Variants in PPP1R42 observed in about 807,000 individuals in gnomAD.
PPP1R42 encodes leucine rich repeat containing 67.
PPP1R42 carries 34 observed loss-of-function variants against 31.0 expected under a neutral mutation model. The observed-to-expected ratio is 1.10, with a 90% confidence interval of 0.83 to 1.46. The LOEUF is 1.46. Among genes scored for constraint, PPP1R42 ranks in the 40% most tolerant of loss-of-function variants. PPP1R42 has a pLI of 0.00. For missense variants in PPP1R42, 268 were observed against 303.0 expected (o/e 0.88, Z 0.86); for synonymous variants, 103 against 109.8 (o/e 0.94, Z 0.39).
chr8:66,988,650 G>A, intron 5 of PPP1R42, 133 bp from the exon 6 acceptor site: 1 of 691,502 alleles, frequency 1.4e-6, no homozygotes, highest in Non-Finnish European at 2.2e-6. Flanking sequence ...CTTAGAAGGT[G>A]CATAATAACT....
chr8:66,985,790 CCAT>C, intron 6 of PPP1R42: 1 of 1,223,162 alleles, frequency 8.2e-7, no homozygotes, highest in Non-Finnish European at 1.2e-6. Flanking sequence ...TTTGCTGCGT[CCAT>C]CATCTGTTTG....
chr8:66,985,733 G>C (rs1814988803), intron 6 of PPP1R42: 1 of 1,289,258 alleles, frequency 7.8e-7, no homozygotes, highest in Non-Finnish European at 1.1e-6. Context: ...TGAGGTGTAG[G>C]GGGGCTAATG....
intron 7 of PPP1R42, among the ~76,000 whole-genome samples, chr8:66,980,091 G>A (rs1814784157): frequency 6.6e-6 from 1 of 152,130 alleles, no homozygotes; most frequent in Admixed American, 6.5e-5. Flanking sequence ...GGAATGAACA[G>A]AGGAAAAATA....
intron 5 of PPP1R42, among the ~76,000 whole-genome samples, chr8:66,997,715 TAA>T (rs1379114144): frequency 8.4e-5 from 12 of 143,444 alleles, no homozygotes; most frequent in African/African-American, 2.6e-4. Context: ...TAATTTTTTT[TAA>T]AAAAAAAAAC....
In PPP1R42 at chr8:67,010,778, G is replaced by T; in HGVS notation, c.489C>A (p.Asp163Glu). The change falls in exon 5 of 8, where the codon GAC becomes GAA. Residue 163 changes from aspartate to glutamate, a missense_variant. By Grantham distance (45) the Asp-to-Glu change is conservative. Transcript: ENST00000685739. ...GATTAAGATTCTCTAGTAGTTCTAA[G>T]TCTGTAATGTCATCAATATTATTAT... ...ISNNNIDDIT[D>E]LELLENLNQL... 1 of 1,606,324 alleles carries T rather than the reference G, an allele frequency of 6.2e-7. No individual in the cohort carries two copies. The highest frequency in any genetic ancestry group is 8.5e-7 in the Non-Finnish European group (1 of 1,177,178).
intron 6 of PPP1R42, chr8:66,986,149 G>C (rs1563418397): frequency 1.5e-6 from 1 of 645,488 alleles, no homozygotes; most frequent in Non-Finnish European, 2.9e-6. Flanking sequence ...TGTAGGCTCT[G>C]AGAAACCCAG....
Position 67,014,568 on chromosome 8 carries a change from G to A in PPP1R42, c.154C>T (p.Leu52Phe), listed in dbSNP as rs759250385. 1 of 1,530,306 alleles carries A rather than the reference G, an allele frequency of 6.5e-7. No individual in the cohort carries two copies. Among genetic ancestry groups the A allele is most frequent in the Non-Finnish European group, 8.9e-7 (1 of 1,128,526 alleles). 94.8% of individuals were successfully genotyped at this position (1,530,306 alleles called of 1,614,324 possible). A position where few individuals can be genotyped will look rare whatever the true frequency, so the allele number is the denominator to read the frequency against. The change falls in exon 3 of 8, where the codon CTT becomes TTT. Residue 52 changes from leucine to phenylalanine, a missense_variant. By Grantham distance (22) the Leu-to-Phe change is conservative. Transcript: ENST00000685739. ...AIEDLSLCKN[L>F]SVLYLYDNCI... is the part of the protein sequence containing the mutation. ...TTATCATATAAATATAAAACACTAA[G>A]ATTTTTGCAAAGAGAGAGGTCTTCC...
intron 7 of PPP1R42, among the ~76,000 whole-genome samples, chr8:66,980,229 A>G (rs539510646): frequency 6.6e-6 from 1 of 152,112 alleles, no homozygotes; most frequent in East Asian, 1.9e-4. Flanking sequence ...TCCATAATTT[A>G]TATTCTTTAT....
rs114411247 is a variant in PPP1R42 at position 66,979,975 on chromosome 8, G to C, written c.802+2074C>G. Among the ~76,000 whole-genome samples, 533 of 152,084 alleles carry C rather than the reference G, an allele frequency of 3.5e-3. 6 individuals are homozygous for C. Among genetic ancestry groups the C allele is most frequent in the African/African-American group, 0.011 (473 of 41,464 alleles). The stretch of plus-strand genomic sequence containing the variant: ...GAATTGGCCCAATTCTGGGGTGAGG[G>C]CTGGTATTAAATATTTAAAAAGTGA... On this transcript the variant is annotated intron_variant, in intron 7 of 7. Coordinates refer to ENST00000685739, the MANE Select transcript of PPP1R42 (RefSeq NM_001364910.1).
intron 5 of PPP1R42, among the ~76,000 whole-genome samples, chr8:66,994,497 T>G (rs1815280894): frequency 6.6e-6 from 1 of 152,222 alleles, no homozygotes; most frequent in African/African-American, 2.4e-5. Flanking sequence ...GATTCAAAGT[T>G]GTTTAACCAT....
At chr8:66,967,311 T>C (rs556058632) in intron 7 of PPP1R42, among the ~76,000 whole-genome samples, 1 of 152,346 alleles carries the variant, frequency 6.6e-6, no homozygotes, top group South Asian at 2.1e-4. Context: ...TGTGCTTTTT[T>C]TGGGAAAGAG....
At chr8:66,985,419 C>T (rs750871692) in intron 6 of PPP1R42, 13 of 771,730 alleles carry the variant, frequency 1.7e-5, no homozygotes, top group South Asian at 4.7e-5. Context: ...GCTCAATCTC[C>T]TTGCCTGTTG....
intron 5 of PPP1R42, among the ~76,000 whole-genome samples, chr8:67,004,713 A>G (rs1300016946): frequency 6.6e-6 from 1 of 152,042 alleles, no homozygotes; most frequent in East Asian, 1.9e-4. Flanking sequence ...CACATGATTT[A>G]TTTCTTCGGA....
intron 7 of PPP1R42, among the ~76,000 whole-genome samples, chr8:66,972,183 C>T (rs541848086): frequency 2.0e-5 from 3 of 152,188 alleles, no homozygotes; most frequent in South Asian, 2.1e-4. Context: ...ATATTACATA[C>T]GTGTATACAG....
intron 7 of PPP1R42, among the ~76,000 whole-genome samples, chr8:66,973,936 A>C (rs1287935709): frequency 6.6e-6 from 1 of 152,224 alleles, no homozygotes; most frequent in Non-Finnish European, 1.5e-5. Flanking sequence ...GTAAAGCTGA[A>C]TAGTGTTCCG....
chr8:66,970,193 C>T (rs760351541), intron 7 of PPP1R42, among the ~76,000 whole-genome samples: 8 of 152,046 alleles, frequency 5.3e-5, no homozygotes, highest in Non-Finnish European at 1.0e-4. Flanking sequence ...TGCAGTGGAG[C>T]GATCTCAGCT....
chr8:66,967,060 T>G (rs1814403476), intron 7 of PPP1R42, among the ~76,000 whole-genome samples: 1 of 152,188 alleles, frequency 6.6e-6, no homozygotes, highest in Non-Finnish European at 1.5e-5. Flanking sequence ...CACTGCAGCC[T>G]TAACCTCCTG....
intron 5 of PPP1R42, among the ~76,000 whole-genome samples, chr8:67,000,273 T>G (rs1454996042): frequency 1.3e-5 from 2 of 152,142 alleles, no homozygotes; most frequent in African/African-American, 4.8e-5. Flanking sequence ...CCCTCATTCT[T>G]GTTGTCATTT....
chr8:66,974,545 A>G (rs1005963512), intron 7 of PPP1R42, among the ~76,000 whole-genome samples: 23 of 151,486 alleles, frequency 1.5e-4, no homozygotes, highest in African/African-American at 5.6e-4. Flanking sequence ...CAAGAGTAAA[A>G]CTCTGTCTCG....
Sources: allele counts gnomAD v4.1 joint callset (sites outside exome capture counted in the v4.1 genomes callset), GRCh38; gene constraint gnomAD v4.1.1; transcripts MANE v1.5; gene names NCBI Gene and HGNC (gene_info 2026-07-23, HGNC 2026-07-21).